Variants in MIDEAS observed in about 807,000 individuals in gnomAD.
MIDEAS encodes mitotic deacetylase-associated SANT domain protein.
Under a neutral mutation model 102.7 loss-of-function variants are expected in MIDEAS, and 26 were observed. The observed-to-expected ratio is 0.25, with a 90% CI of 0.19 to 0.35. The LOEUF (loss-of-function observed/expected upper bound fraction) is 0.35. MIDEAS is among the 10% of genes least tolerant of loss of function. The pLI is 1.00. For missense variants in MIDEAS, 1,231 were observed against 1,435.6 expected, an observed-to-expected ratio of 0.86 and a Z score of 2.30; for synonymous variants, 585 against 591.0, an observed-to-expected ratio of 0.99 and a Z score of 0.15.
chr14:73,747,302 G>C (rs939784931), intron 1 of MIDEAS, among the ~76,000 whole-genome samples: 1 of 152,176 alleles, frequency 6.6e-6, no homozygotes, highest in Admixed American at 6.5e-5. Context: ...TCTGGTCCAG[G>C]AGCCGCCACT....
At chr14:73,749,186 C>G (rs1019966296) in intron 1 of MIDEAS, among the ~76,000 whole-genome samples, 1 of 152,132 alleles carries the variant, frequency 6.6e-6, no homozygotes, top group African/African-American at 2.4e-5. Flanking sequence ...AATACACACT[C>G]TTCTCAAGAG....
At chr14:73,732,075 T>TAAAA (rs2053146211) in intron 3 of MIDEAS, among the ~76,000 whole-genome samples, 1 of 152,202 alleles carries the variant, frequency 6.6e-6, no homozygotes, top group Non-Finnish European at 1.5e-5. Flanking sequence ...TCCTCATCTA[T>TAAAA]AAAATAGAGG....
In MIDEAS at chr14:73,759,154, C is replaced by T. The variant is rs898932254; in HGVS notation, c.-248+609G>A. ...CTCCAGCCTAGGCCTCTGCTGACTGCATTTGCCCCAGTTCCCCAACGCCCC... is the reference window on the plus strand; with the variant it reads ...CTCCAGCCTAGGCCTCTGCTGACTGTATTTGCCCCAGTTCCCCAACGCCCC... On this transcript the variant is annotated intron_variant, in intron 1 of 12. Transcript: ENST00000423556. The surrounding 1 kb of genome is among the most constrained non-coding windows in gnomAD (Gnocchi z 6.7). Among the ~76,000 whole-genome samples, 13 of 152,148 alleles carry T rather than the reference C, an allele frequency of 8.5e-5. No individual in the cohort carries two copies. Among genetic ancestry groups the T allele is most frequent in the African/African-American group, 2.9e-4 (12 of 41,446 alleles).
At chr14:73,773,512 C>T (rs2053660625) in intron 1 of MIDEAS, among the ~76,000 whole-genome samples, 1 of 151,858 alleles carries the variant, frequency 6.6e-6, no homozygotes, top group African/African-American at 2.4e-5. Flanking sequence ...CTCCCTCCAC[C>T]ACTCAGGTTT....
rs1227833516 is a variant in MIDEAS at position 73,759,583 on chromosome 14, T to G, written c.-248+180A>C. 6.7e-6 allele frequency among the ~76,000 whole-genome samples: 1 copy of G among 148,538 alleles called. No individual in the cohort carries two copies. The highest frequency in any genetic ancestry group is 1.5e-5 in the Non-Finnish European group (1 of 66,678). On this transcript the variant is annotated intron_variant, in intron 1 of 12. Transcript: ENST00000423556. This position sits in a 1 kb window ranked among gnomAD's most constrained non-coding sequence, Gnocchi z 6.7. ...CCCCCGCACGGCCACACGCGCCCGCTCCACCGCCGCCCAGGCCGCAGAAGT... is the reference window on the plus strand; with the variant it reads ...CCCCCGCACGGCCACACGCGCCCGCGCCACCGCCGCCCAGGCCGCAGAAGT...
In MIDEAS at chr14:73,776,889, G is replaced by A. The variant is rs533493147; in HGVS notation, c.-248+10213C>T. Among the ~76,000 whole-genome samples the A allele has an allele frequency of 2.8e-4, 42 of 152,022 alleles. 3 individuals carry two copies. The East Asian group carries it at 7.8e-3, about 28-fold the overall frequency. On this transcript the variant is annotated intron_variant, in intron 1 of 11. Transcript: ENST00000394071. The stretch of plus-strand genomic sequence containing the variant: ...AGTTCAAGACCAGCCTGGCCAAGAC[G>A]GTGAAACCCCATCTCTACTAAAAAC...
chr14:73,777,220 G>T (rs934185738), intron 1 of MIDEAS, among the ~76,000 whole-genome samples: 3 of 151,954 alleles, frequency 2.0e-5, no homozygotes, highest in Non-Finnish European at 4.4e-5. Context: ...TCTGGAAGGG[G>T]TGGCAGCATC....
intron 11 of MIDEAS, among the ~76,000 whole-genome samples, 196 bp from the exon 12 acceptor site, chr14:73,719,697 T>G (rs73297462): frequency 0.064 from 9,654 of 151,746 alleles, 1,048 homozygotes; most frequent in African/African-American, 0.22. Flanking sequence ...GCTCTATCGT[T>G]TACAAAGTTG....
chr14:73,780,895 C>T (rs983669049), intron 1 of MIDEAS, among the ~76,000 whole-genome samples: 6 of 152,120 alleles, frequency 3.9e-5, no homozygotes, highest in Middle Eastern at 3.2e-3. Flanking sequence ...ACGCATCCCA[C>T]TCTCTTCTTA....
At chr14:73,756,261 CAT>C (rs2053477577) in intron 1 of MIDEAS, among the ~76,000 whole-genome samples, 1 of 131,060 alleles carries the variant, frequency 7.6e-6, no homozygotes, top group Non-Finnish European at 1.6e-5. Context: ...TGCGAGAGCC[CAT>C]GTCAGTGTGT....
At chr14:73,757,512 T>C (rs1418138355) in intron 1 of MIDEAS, among the ~76,000 whole-genome samples, 1 of 152,094 alleles carries the variant, frequency 6.6e-6, no homozygotes, top group African/African-American at 2.4e-5. Context: ...AAGGTGGAAA[T>C]GAGTGTTCAG....
chr14:73,757,796 GTCTTT>G (rs2053503596), intron 1 of MIDEAS, among the ~76,000 whole-genome samples: 1 of 152,228 alleles, frequency 6.6e-6, no homozygotes, highest in Non-Finnish European at 1.5e-5. Flanking sequence ...ACTGCATGTT[GTCTTT>G]TCTTGTGTTC....
At chr14:73,749,088 A>C (rs1401923540) in intron 1 of MIDEAS, among the ~76,000 whole-genome samples, 2 of 152,236 alleles carry the variant, frequency 1.3e-5, no homozygotes, top group Non-Finnish European at 2.9e-5. Flanking sequence ...AAGATCGACA[A>C]GGAAATAGAA....
intron 1 of MIDEAS, among the ~76,000 whole-genome samples, chr14:73,752,279 A>T (rs561460981): frequency 3.3e-5 from 5 of 152,260 alleles, no homozygotes; most frequent in African/African-American, 4.8e-5. Context: ...TGACTACCTG[A>T]GCAGAGCTAT....
chr14:73,744,701 C>T (rs1364890929), intron 1 of MIDEAS, among the ~76,000 whole-genome samples: 1 of 151,430 alleles, frequency 6.6e-6, no homozygotes, highest in East Asian at 1.9e-4. Context: ...CCACCTCTCT[C>T]GACAGTCTGT....
At chr14:73,726,497 A>G in intron 7 of MIDEAS, 107 bp downstream of exon 7, 2 of 1,069,740 alleles carry the variant, frequency 1.9e-6, no homozygotes, top group Non-Finnish European at 2.7e-6. Flanking sequence ...AGACCCTCCT[A>G]CTGGCCTCAA....
intron 1 of MIDEAS, among the ~76,000 whole-genome samples, chr14:73,782,359 C>CTATA (rs147360312): frequency 6.6e-6 from 1 of 150,638 alleles, no homozygotes; most frequent in East Asian, 1.9e-4. Flanking sequence ...TCCTCACAGT[C>CTATA]TATATATATA....
At chr14:73,741,991 T>C (rs571711300) in intron 1 of MIDEAS, among the ~76,000 whole-genome samples, 4 of 152,166 alleles carry the variant, frequency 2.6e-5, no homozygotes, top group Non-Finnish European at 5.9e-5. Context: ...AACCTTTCTC[T>C]TGCTTTTAAA....
chr14:73,783,417 A>G (rs1318806809), intron 1 of MIDEAS, among the ~76,000 whole-genome samples: 1 of 152,186 alleles, frequency 6.6e-6, no homozygotes, highest in Non-Finnish European at 1.5e-5. Context: ...GGACAAACAC[A>G]CAGAGTGGGT....
Sources: gnomAD v4.1 joint callset for allele counts (sites outside exome capture counted in the v4.1 genomes callset) on GRCh38, gnomAD v4.1.1 for gene constraint, Gnocchi (gnomAD v3.1) non-coding constraint, MANE v1.5 for transcripts, NCBI Gene and HGNC (gene_info 2026-07-23, HGNC 2026-07-21) for gene names.